EXTL3: variants seen among roughly 807,000 people sequenced by gnomAD.
The protein encoded by EXTL3 is exostosin-like 3.
In EXTL3, 27 loss-of-function variants were observed where a neutral mutation model predicts 69.3. The ratio of observed to expected loss-of-function variants is 0.39; its 90% CI spans 0.29 to 0.54. EXTL3 has a LOEUF of 0.54. Ranked by LOEUF, EXTL3 falls within the 20% of genes least tolerant of loss-of-function variation. The pLI is 0.69. For synonymous variants in EXTL3, 511 were observed against 499.4 expected (o/e 1.02, Z -0.31); for missense variants, 1,003 against 1,231.8 (o/e 0.81, Z 2.78).
intron 1 of EXTL3, among the ~76,000 whole-genome samples, chr8:28,690,567 A>T (rs1434779661): frequency 6.6e-6 from 1 of 151,982 alleles, no homozygotes; most frequent in Admixed American, 6.6e-5. Context: ...TGTACAGATT[A>T]TTTCATCAAG....
chr8:28,717,856 CTT>C lies in EXTL3; in HGVS notation c.1800_1801del (p.Phe600LeufsTer20), dbSNP rs1801199275. On this transcript the variant is annotated frameshift_variant, in exon 3 of 7. Transcript: ENST00000220562. LOFTEE classifies it high-confidence loss of function. The surrounding 1 kb of genome is among the most constrained non-coding windows in gnomAD (Gnocchi z 8.3). ...GCAATTTCACTCTGACTGTCACTGA[CTT>C]TTACCGCAGCTGGAACTGTGCTCCA... ...LRNFTLTVTD[F>X]YRSWNCAPGP... is the part of the protein sequence containing the mutation. 1 of 1,612,838 alleles carries C rather than the reference CTT, an allele frequency of 6.2e-7. No individual in the cohort carries two copies.
intron 5 of EXTL3, chr8:28,741,712 CCAAA>C (rs1467660059): frequency 6.6e-6 from 1 of 152,128 alleles, no homozygotes; most frequent in African/African-American, 2.4e-5. Context: ...CCTTGGCCTC[CCAAA>C]CAAAGTGTTG....
upstream of EXTL3, among the ~76,000 whole-genome samples, chr8:28,618,913 T>C (rs1033254722): frequency 3.4e-5 from 5 of 147,338 alleles, no homozygotes; most frequent in East Asian, 9.9e-4. Flanking sequence ...TGAAACCCCA[T>C]CTCTACTAAA....
At chr8:28,722,937 T>C (rs1366356221) in intron 3 of EXTL3, among the ~76,000 whole-genome samples, 3 of 151,966 alleles carry the variant, frequency 2.0e-5, no homozygotes, top group African/African-American at 4.8e-5. Context: ...TCCCCAGTAG[T>C]CTATTAGGGA....
In EXTL3 at chr8:28,652,025, T is replaced by TTGTGTG. The variant is rs113760212; in HGVS notation, c.-53+29223_-53+29228dup. Among the ~76,000 whole-genome samples, 430 of 151,388 alleles carry TTGTGTG rather than the reference T, an allele frequency of 2.8e-3. 4 individuals are homozygous for TTGTGTG. Among genetic ancestry groups the TTGTGTG allele is most frequent in the African/African-American group, 6.0e-3 (248 of 41,154 alleles). ...ATTTTGACGGCTGAATAATATTCCA[T>TTGTGTG]TGTGTGTGTGTGTCTGTGTGTGTGT... On this transcript the variant is annotated intron_variant, in intron 1 of 6. Coordinates refer to the EXTL3 transcript ENST00000523149.
chr8:28,740,368 C>T (rs1801750089), intron 5 of EXTL3: 1 of 152,272 alleles, frequency 6.6e-6, no homozygotes, highest in South Asian at 2.1e-4. Context: ...CCTGCAACCT[C>T]CACCTCCTAG....
intron 1 of EXTL3, among the ~76,000 whole-genome samples, chr8:28,629,970 A>G (rs1017839549): frequency 6.6e-6 from 1 of 152,188 alleles, no homozygotes; most frequent in African/African-American, 2.4e-5. Flanking sequence ...ACGACATCCC[A>G]ATCTTGTGGC....
intron 1 of EXTL3, among the ~76,000 whole-genome samples, chr8:28,664,618 G>A (rs17059271): frequency 0.016 from 2,367 of 152,192 alleles, 57 homozygotes; most frequent in African/African-American, 0.053. Context: ...TGTGTCGGAT[G>A]ATTCTTTATA....
At chr8:28,662,773 G>A (rs548508332) in intron 1 of EXTL3, among the ~76,000 whole-genome samples, 2 of 152,120 alleles carry the variant, frequency 1.3e-5, no homozygotes, top group Admixed American at 6.6e-5. Context: ...TTAGCCAGGC[G>A]TGGTGGCACG....
In EXTL3 at chr8:28,751,164, C is replaced by T; in HGVS notation, c.*298C>T. The T allele has an allele frequency of 2.3e-6, 1 of 433,340 alleles. No individual in the cohort carries two copies. The highest frequency in any genetic ancestry group is 4.0e-5 in the East Asian group (1 of 25,026). The allele number at this position is 433,340 out of a possible 1,614,324, so 26.8% of individuals were successfully genotyped here. A position where few individuals can be genotyped will look rare whatever the true frequency, so the allele number is the denominator to read the frequency against. On this transcript the variant is annotated 3_prime_UTR_variant, in exon 7 of 7. Transcript: ENST00000220562. ...CACACCGTTCGTACGCCCAGGACAG[C>T]TGGTTCGTGGTTTTTACATTCAATA... is the stretch of plus-strand genomic sequence containing the variant.
In EXTL3 at chr8:28,613,301, G is replaced by A. The variant is rs901847627; in HGVS notation, n.314+5543G>A. On this transcript the variant is annotated intron_variant and non_coding_transcript_variant, in intron 2 of 4. Transcript: ENST00000522725. Reference sequence around the variant, plus strand: ...TGGGTTCAAATGATTCTCCTGCCTCGGCCTCCTGAGTTGCTGGGATTACAG... The same window carrying A: ...TGGGTTCAAATGATTCTCCTGCCTCAGCCTCCTGAGTTGCTGGGATTACAG... Among the ~76,000 whole-genome samples the A allele has an allele frequency of 4.6e-5, 7 of 151,872 alleles. No homozygotes were observed. The East Asian group carries it at 1.2e-3, about 25-fold the overall frequency.
chr8:28,738,230 C>T (rs186245455), intron 5 of EXTL3, among the ~76,000 whole-genome samples: 1 of 152,188 alleles, frequency 6.6e-6, no homozygotes, highest in Non-Finnish European at 1.5e-5. Context: ...CCTGGCCCAT[C>T]TTCCCTCTCT....
At chr8:28,663,460 T>C (rs564621428) in intron 1 of EXTL3, among the ~76,000 whole-genome samples, 5 of 152,222 alleles carry the variant, frequency 3.3e-5, no homozygotes, top group Admixed American at 1.3e-4. Context: ...ATTATTCTTT[T>C]ATTTTTATTT....
intron 2 of EXTL3, among the ~76,000 whole-genome samples, chr8:28,608,003 G>T (rs927442538): frequency 6.6e-6 from 1 of 151,818 alleles, no homozygotes; most frequent in Non-Finnish European, 1.5e-5. Flanking sequence ...CCAGCTACTC[G>T]GGAGGCTGAG....
intron 1 of EXTL3, among the ~76,000 whole-genome samples, chr8:28,705,261 C>G (rs1800897409): frequency 6.6e-6 from 1 of 152,132 alleles, no homozygotes; most frequent in Non-Finnish European, 1.5e-5. Context: ...GGTCTAACCC[C>G]TTAATTTACG....
intron 1 of EXTL3, among the ~76,000 whole-genome samples, chr8:28,668,223 C>A (rs1411694761): frequency 1.5e-5 from 2 of 137,716 alleles, no homozygotes; most frequent in African/African-American, 5.6e-5. Flanking sequence ...GGTATGATTG[C>A]ACCAGTGCAC....
intron 1 of EXTL3, among the ~76,000 whole-genome samples, chr8:28,687,659 G>C (rs891812950): frequency 1.3e-5 from 2 of 152,294 alleles, no homozygotes; most frequent in East Asian, 3.9e-4. Context: ...TTTGGCTGCT[G>C]AAGTCTTAGA....
chr8:28,706,644 A>G (rs1355177136), intron 1 of EXTL3, among the ~76,000 whole-genome samples: 1 of 152,210 alleles, frequency 6.6e-6, no homozygotes, highest in Non-Finnish European at 1.5e-5. Context: ...ATGATTTATT[A>G]GTGGAAAATA....
intron 1 of EXTL3, among the ~76,000 whole-genome samples, chr8:28,676,017 ATCTC>A (rs1807376136): frequency 2.5e-5 from 1 of 40,514 alleles, no homozygotes; most frequent in Non-Finnish European, 4.6e-5. Flanking sequence ...GTGAGACTCC[ATCTC>A]AAAAAAAAAA....
Sources: gnomAD v4.1 joint callset for allele counts (sites outside exome capture counted in the v4.1 genomes callset) on GRCh38, gnomAD v4.1.1 for gene constraint, Gnocchi (gnomAD v3.1) non-coding constraint, MANE v1.5 for transcripts, NCBI Gene and HGNC (gene_info 2026-07-23, HGNC 2026-07-21) for gene names.